Variants in CNTLN observed in about 807,000 individuals in gnomAD.
CNTLN encodes centlein, also known as centlein, centrosomal protein.
A neutral mutation model predicts 180.0 loss-of-function variants in CNTLN; 212 were observed. That is an observed-to-expected ratio of 1.18 (90% confidence interval 1.05 to 1.32). The LOEUF (loss-of-function observed/expected upper bound fraction) is 1.32. CNTLN is among the 40% of genes most tolerant of loss of function. CNTLN has a pLI of 0.00. For synonymous variants in CNTLN, 722 were observed against 563.1 expected, an observed-to-expected ratio of 1.28 and a Z score of -3.99; for missense variants, 2,095 against 1,610.9, an observed-to-expected ratio of 1.30 and a Z score of -5.14.
rs3808786 is a variant in CNTLN at position 17,308,366 on chromosome 9, A to G, written c.1147-692A>G. ...TCCCTGTTGTCTGCAGAACAAATCCATCCTCTTAATCCAGTATTGAAGAGC... is the reference window on the plus strand; with the variant it reads ...TCCCTGTTGTCTGCAGAACAAATCCGTCCTCTTAATCCAGTATTGAAGAGC... On this transcript the variant is annotated intron_variant, in intron 7 of 25. Coordinates refer to ENST00000380647, the MANE Select transcript of CNTLN (RefSeq NM_017738.4). Among the ~76,000 whole-genome samples the G allele has an allele frequency of 0.019, 2,862 of 152,220 alleles. 177 individuals carry two copies. In the East Asian group the frequency reaches 0.25, roughly 13 times the overall value.
intron 5 of CNTLN, among the ~76,000 whole-genome samples, chr9:17,267,408 G>T (rs901095878): frequency 6.6e-6 from 1 of 152,094 alleles, no homozygotes; most frequent in Non-Finnish European, 1.5e-5. Context: ...CGAGAGCTCC[G>T]CTGTTCGTCT....
chr9:17,275,039 C>T (rs747656167), intron 6 of CNTLN, among the ~76,000 whole-genome samples: 2 of 151,932 alleles, frequency 1.3e-5, no homozygotes, highest in African/African-American at 2.4e-5. Context: ...AACATATCAA[C>T]TCATGTTATA....
At chr9:17,149,072 G>A (rs1173848679) in intron 2 of CNTLN, among the ~76,000 whole-genome samples, 1 of 152,098 alleles carries the variant, frequency 6.6e-6, no homozygotes, top group Non-Finnish European at 1.5e-5. Context: ...GCAGTGTTTG[G>A]TTTTCTGATC....
chr9:17,289,748 T>C (rs1829236824), intron 6 of CNTLN, among the ~76,000 whole-genome samples: 1 of 144,462 alleles, frequency 6.9e-6, no homozygotes, highest in African/African-American at 2.7e-5. Context: ...TCTCACTTCA[T>C]TTCATTCATT....
chr9:17,258,736 G>A (rs11562195), intron 5 of CNTLN, among the ~76,000 whole-genome samples: 56,176 of 135,316 alleles, frequency 0.42, 12,517 homozygotes, highest in South Asian at 0.6. Context: ...CTTTGAAGCA[G>A]TTGTGAATGT....
intron 2 of CNTLN, among the ~76,000 whole-genome samples, chr9:17,196,377 C>G (rs1294355806): frequency 6.6e-6 from 1 of 152,128 alleles, no homozygotes; most frequent in Middle Eastern, 3.2e-3. Context: ...CTTTAGACCT[C>G]AGTTTTCACA....
At chr9:17,320,622 C>A (rs767136929) in intron 8 of CNTLN, among the ~76,000 whole-genome samples, 3 of 152,156 alleles carry the variant, frequency 2.0e-5, no homozygotes, top group Non-Finnish European at 4.4e-5. Flanking sequence ...CCTGCCTCAG[C>A]CTCCCAGGTA....
chr9:17,266,252 G>T (rs1259468018), intron 5 of CNTLN, among the ~76,000 whole-genome samples: 2 of 152,026 alleles, frequency 1.3e-5, no homozygotes, highest in Non-Finnish European at 2.9e-5. Context: ...TGTTATCATT[G>T]GTTTCAAATA....
rs111946979 is a variant in CNTLN, at chr9:17,368,127, G to A, written c.1987+1410G>A. 9.8e-3 allele frequency among the ~76,000 whole-genome samples: 1,486 copies of A among 150,896 alleles called. 15 individuals carry two copies. The highest frequency in any genetic ancestry group is 0.019 in the Middle Eastern group (5 of 270). On this transcript the variant is annotated intron_variant, in intron 13 of 25. Coordinates refer to ENST00000380647, the MANE Select transcript of CNTLN (RefSeq NM_017738.4). ...AGAGGGAAACCCATTGCACTGAAAGGTGAGTCCCAGGCCTGGCAGCATTTG... is the reference window on the plus strand; with the variant it reads ...AGAGGGAAACCCATTGCACTGAAAGATGAGTCCCAGGCCTGGCAGCATTTG...
At chr9:17,214,544 C>T (rs1029966079) in intron 2 of CNTLN, among the ~76,000 whole-genome samples, 1 of 152,116 alleles carries the variant, frequency 6.6e-6, no homozygotes, top group Non-Finnish European at 1.5e-5. Flanking sequence ...TGGAGTTGCT[C>T]TTCTCGAGGA....
At chr9:17,486,671 A>G (rs1187067491) in intron 24 of CNTLN, among the ~76,000 whole-genome samples, 2 of 152,090 alleles carry the variant, frequency 1.3e-5, no homozygotes, top group African/African-American at 4.8e-5. Flanking sequence ...TGATTCTTTT[A>G]TATAACTCCA....
intron 8 of CNTLN, among the ~76,000 whole-genome samples, chr9:17,312,744 A>G (rs1819286063): frequency 6.6e-6 from 1 of 151,906 alleles, no homozygotes; most frequent in Admixed American, 6.6e-5. Context: ...AGCCAAGCAT[A>G]TTGTTTTGGT....
chr9:17,370,648 T>C (rs1438414721), intron 13 of CNTLN, among the ~76,000 whole-genome samples: 1 of 152,180 alleles, frequency 6.6e-6, no homozygotes, highest in Non-Finnish European at 1.5e-5. Context: ...GTACACAGAA[T>C]GACATACAAT....
chr9:17,233,910 A>G (rs75466327), intron 3 of CNTLN, among the ~76,000 whole-genome samples: 1 of 152,236 alleles, frequency 6.6e-6, no homozygotes, highest in Admixed American at 6.5e-5. Flanking sequence ...TCAGGGTTTC[A>G]GGATAATGCT....
At chr9:17,267,430 C>T (rs754688102) in intron 5 of CNTLN, among the ~76,000 whole-genome samples, 1 of 152,166 alleles carries the variant, frequency 6.6e-6, no homozygotes, top group Non-Finnish European at 1.5e-5. Flanking sequence ...ATGGGCTTCC[C>T]TTTGTGGGTA....
intron 25 of CNTLN, among the ~76,000 whole-genome samples, chr9:17,489,167 A>G (rs974094980): frequency 1.3e-5 from 2 of 152,092 alleles, no homozygotes; most frequent in South Asian, 2.1e-4. Context: ...CTTCTCTCTC[A>G]ATCCAAGCAA....
At chr9:17,469,776 C>A (rs1831956191) in intron 23 of CNTLN, among the ~76,000 whole-genome samples, 1 of 135,140 alleles carries the variant, frequency 7.4e-6, no homozygotes, top group Middle Eastern at 3.5e-3. Context: ...AACTCTGGGC[C>A]TTTCTCTGTC....
Position 17,486,988 on chromosome 9 carries a change from G to T in CNTLN, c.4042-1G>T, listed in dbSNP as rs375464530. ...CCAGTGTTTTTATTTTTTTTCTTCA[G>T]GAAATTGAAAAAACAAAAATTGATG... On this transcript the variant is annotated splice_acceptor_variant, in intron 24 of 25. Coordinates refer to ENST00000380647, the MANE Select transcript of CNTLN (RefSeq NM_017738.4). LOFTEE classifies it high-confidence loss of function. 91 of 1,555,818 alleles carry T rather than the reference G, an allele frequency of 5.8e-5. No individual in the cohort carries two copies. The highest frequency in any genetic ancestry group is 7.6e-5 in the Non-Finnish European group (87 of 1,149,604).
At chr9:17,437,882 C>T (rs1188109690) in intron 18 of CNTLN, among the ~76,000 whole-genome samples, 2 of 152,092 alleles carry the variant, frequency 1.3e-5, no homozygotes, top group African/African-American at 2.4e-5. Context: ...TTATTCGTTC[C>T]TGTCATTCTT....
Sources: allele counts gnomAD v4.1 joint callset (sites outside exome capture counted in the v4.1 genomes callset), GRCh38; gene constraint gnomAD v4.1.1; transcripts MANE v1.5; gene names NCBI Gene and HGNC (gene_info 2026-07-23, HGNC 2026-07-21).